Variants in GDAP2 observed in about 807,000 individuals in gnomAD.
The protein encoded by GDAP2 is ganglioside-induced differentiation-associated protein 2.
A neutral mutation model predicts 67.0 loss-of-function variants in GDAP2; 51 were observed. The ratio of observed to expected loss-of-function variants is 0.76; its 90% CI spans 0.61 to 0.96. The LOEUF (loss-of-function observed/expected upper bound fraction) is 0.96. Ranked by LOEUF, GDAP2 falls within the 40% of genes least tolerant of loss-of-function variation. GDAP2 has a pLI of 0.00. For synonymous variants in GDAP2, 203 were observed against 207.3 expected (o/e 0.98, Z 0.18); for missense variants, 547 against 588.3 (o/e 0.93, Z 0.73).
intron 5 of GDAP2, among the ~76,000 whole-genome samples, chr1:117,911,728 T>C (rs978684198): frequency 1.3e-5 from 2 of 151,826 alleles, no homozygotes; most frequent in Admixed American, 6.6e-5. Context: ...TCAATGAATA[T>C]TCTTTGGCTG....
At chr1:117,876,129 G>A (rs1018562422) in intron 13 of GDAP2, among the ~76,000 whole-genome samples, 1 of 152,154 alleles carries the variant, frequency 6.6e-6, no homozygotes, top group Non-Finnish European at 1.5e-5. Flanking sequence ...AGTGTTGGAG[G>A]TGGGGTCTAA....
At chr1:117,876,963 G>C (rs1448878854) in intron 13 of GDAP2, among the ~76,000 whole-genome samples, 1 of 152,120 alleles carries the variant, frequency 6.6e-6, no homozygotes, top group East Asian at 1.9e-4. Context: ...ATTAAGATGA[G>C]TGATGTAGAG....
chr1:117,914,421 GAAAAT>G (rs1649974900), intron 3 of GDAP2, among the ~76,000 whole-genome samples: 1 of 151,834 alleles, frequency 6.6e-6, no homozygotes, highest in South Asian at 2.1e-4. Flanking sequence ...AAAATAAATT[GAAAAT>G]AAGAGATAAC....
intron 6 of GDAP2, among the ~76,000 whole-genome samples, chr1:117,906,018 T>A (rs1205487328): frequency 6.6e-6 from 1 of 152,282 alleles, no homozygotes; most frequent in East Asian, 1.9e-4. Flanking sequence ...TAAAGTGTAA[T>A]GAGATAAGAA....
At chr1:117,915,665 A>C (rs1650025240) in intron 3 of GDAP2, among the ~76,000 whole-genome samples, 3 of 152,228 alleles carry the variant, frequency 2.0e-5, no homozygotes, top group African/African-American at 7.2e-5. Flanking sequence ...ATCCACACCC[A>C]CATACAGGTT....
chr1:117,929,103 C>T (rs1557814338), intron 1 of GDAP2, among the ~76,000 whole-genome samples: 1 of 152,264 alleles, frequency 6.6e-6, no homozygotes, highest in East Asian at 1.9e-4. Context: ...TCCACAGGAA[C>T]GGCAACACGG....
intron 13 of GDAP2, chr1:117,877,590 T>C: frequency 1.0e-6 from 1 of 984,192 alleles, no homozygotes; most frequent in Non-Finnish European, 1.2e-6. Context: ...ATGAAACTTT[T>C]AGCAGGGTAA....
chr1:117,925,148 G>A (rs112513320), intron 1 of GDAP2, among the ~76,000 whole-genome samples: 9 of 152,224 alleles, frequency 5.9e-5, no homozygotes, highest in African/African-American at 1.9e-4. Flanking sequence ...CATGCTTACA[G>A]AACATTTGAA....
chr1:117,886,569 T>A lies in GDAP2; in HGVS notation c.1107+8A>T. On this transcript the variant is annotated splice_region_variant and intron_variant, in intron 10 of 13. Coordinates refer to ENST00000369443, the MANE Select transcript of GDAP2 (RefSeq NM_017686.4). ...TTGTTTGTAAAACAGAGCCTTTTTA[T>A]GGCTTACCTTGTCCATATCTATTAA... is the stretch of plus-strand genomic sequence containing the variant. 7.0e-7 allele frequency: 1 copy of A among 1,438,746 alleles called. No homozygotes were observed. The highest frequency in any genetic ancestry group is 1.1e-5 in the South Asian group (1 of 87,414). The allele number at this position is 1,438,746 out of a possible 1,614,324, so 89.1% of individuals were successfully genotyped here.
intron 6 of GDAP2, among the ~76,000 whole-genome samples, chr1:117,900,309 A>AAAGGGGGTAC (rs755942039): frequency 6.6e-6 from 1 of 152,104 alleles, no homozygotes; most frequent in South Asian, 2.1e-4. Flanking sequence ...CAGTATTCAC[A>AAAGGGGGTAC]AAGGGGGTAC....
intron 5 of GDAP2, among the ~76,000 whole-genome samples, chr1:117,908,247 C>A (rs910063763): frequency 6.6e-6 from 1 of 151,920 alleles, no homozygotes; most frequent in Non-Finnish European, 1.5e-5. Context: ...TTTTGAAGAC[C>A]AAGTATATTT....
chr1:117,910,170 A>T (rs761763980), intron 5 of GDAP2, among the ~76,000 whole-genome samples: 68 of 152,272 alleles, frequency 4.5e-4, no homozygotes, highest in Non-Finnish European at 9.1e-4. Flanking sequence ...AGTATAACAG[A>T]CAGGTTACTA....
intron 3 of GDAP2, among the ~76,000 whole-genome samples, chr1:117,917,078 T>C (rs1401643229): frequency 3.3e-5 from 5 of 150,686 alleles, no homozygotes; most frequent in Non-Finnish European, 7.4e-5. Flanking sequence ...GAATGGAAAA[T>C]AATGCCATTT....
At chr1:117,893,137 T>C (rs1328927127) in intron 8 of GDAP2, among the ~76,000 whole-genome samples, 1 of 152,108 alleles carries the variant, frequency 6.6e-6, no homozygotes, top group Non-Finnish European at 1.5e-5. Context: ...AAAAAGATAA[T>C]GATTTTGTTG....
chr1:117,922,505 T>C (rs1400026665), intron 1 of GDAP2, among the ~76,000 whole-genome samples: 5 of 152,196 alleles, frequency 3.3e-5, no homozygotes, highest in Non-Finnish European at 5.9e-5. Context: ...TTCATGTAGG[T>C]TCTTTTCTAT....
rs41276594 is a variant in GDAP2, at chr1:117,906,486, C to T, written c.636+20G>A. On this transcript the variant is annotated intron_variant, in intron 6 of 13. Coordinates refer to ENST00000369443, the MANE Select transcript of GDAP2 (RefSeq NM_017686.4). ...AAAGATAGAAATAAGATTTAAATAA[C>T]GTAACAGTTAGCAAAATACCTCTTC... The T allele has an allele frequency of 0.014, 18,002 of 1,289,500 alleles. 480 individuals carry two copies. The highest frequency in any genetic ancestry group is 0.084 in the South Asian group (6,702 of 80,252). The allele number at this position is 1,289,500 out of a possible 1,614,324, so 79.9% of individuals were successfully genotyped here. A position where few individuals can be genotyped will look rare whatever the true frequency, so the allele number is the denominator to read the frequency against.
At position 117,911,975 on chromosome 1, in the gene GDAP2, C is replaced by A; in HGVS notation, c.559+19G>T. On this transcript the variant is annotated intron_variant, in intron 5 of 13. Coordinates refer to ENST00000369443, the MANE Select transcript of GDAP2 (RefSeq NM_017686.4). ...TTTTTAAGATTCAATTCATGTACAG[C>A]ATCTCTGATATTACTTACGAAGTGC... is the stretch of plus-strand genomic sequence containing the variant. 2 of 1,353,396 alleles carry A rather than the reference C, an allele frequency of 1.5e-6. No homozygotes were observed. The highest frequency in any genetic ancestry group is 2.1e-6 in the Non-Finnish European group (2 of 943,134). The allele number at this position is 1,353,396 out of a possible 1,614,324, so 83.8% of individuals were successfully genotyped here.
chr1:117,916,430 T>C (rs1371766078), intron 3 of GDAP2, among the ~76,000 whole-genome samples: 3 of 152,150 alleles, frequency 2.0e-5, no homozygotes, highest in Non-Finnish European at 4.4e-5. Flanking sequence ...GGGATCAGTT[T>C]AAGGAGTTTA....
At chr1:117,920,615 A>G (rs1650218125) in intron 1 of GDAP2, among the ~76,000 whole-genome samples, 191 bp from the exon 2 acceptor site, 1 of 152,196 alleles carries the variant, frequency 6.6e-6, no homozygotes, top group Admixed American at 6.5e-5. Context: ...AGGATTAAAG[A>G]GTGATTATTT....
Sources: gnomAD v4.1 joint callset for allele counts (sites outside exome capture counted in the v4.1 genomes callset) on GRCh38, gnomAD v4.1.1 for gene constraint, MANE v1.5 for transcripts, NCBI Gene and HGNC (gene_info 2026-07-23, HGNC 2026-07-21) for gene names.